Variants in DLC1 observed in about 807,000 individuals in gnomAD.
DLC1 encodes DLC1 Rho GTPase activating protein, also known as rho GTPase-activating protein 7.
DLC1 carries 54 observed loss-of-function variants against 140.3 expected under a neutral mutation model. That is an observed-to-expected ratio of 0.38 (90% CI 0.31 to 0.48). The LOEUF is 0.48. Among genes scored for constraint, DLC1 ranks in the 20% least tolerant of loss-of-function variants. The pLI is 0.96. For synonymous variants in DLC1, 986 were observed against 728.1 expected, an observed-to-expected ratio of 1.35 and a Z score of -5.70; for missense variants, 2,536 against 1,907.0, an observed-to-expected ratio of 1.33 and a Z score of -6.14.
rs73663618 is a variant in DLC1, at chr8:13,177,802, G to T, written c.1349-62145C>A. On this transcript the variant is annotated intron_variant, in intron 5 of 17. Transcript: ENST00000276297. Reference sequence around the variant, plus strand: ...ACCAGTGCTACACCTGGACAGAATGGAAAATGCTGAATCAGGTGGAACTAT... The same window carrying T: ...ACCAGTGCTACACCTGGACAGAATGTAAAATGCTGAATCAGGTGGAACTAT... Among the ~76,000 whole-genome samples, 178 of 152,278 alleles carry T rather than the reference G, an allele frequency of 1.2e-3. 1 individual carries two copies. The highest frequency in any genetic ancestry group is 3.8e-3 in the African/African-American group (159 of 41,564).
At chr8:13,304,612 G>A (rs749224685) in intron 5 of DLC1, 1 of 857,648 alleles carries the variant, frequency 1.2e-6, no homozygotes, top group Non-Finnish European at 1.4e-6. Flanking sequence ...TGTACTTCAA[G>A]TTAGATAATA....
intron 1 of DLC1, chr8:13,566,963 A>C: frequency 6.6e-7 from 1 of 1,517,118 alleles, no homozygotes; most frequent in Non-Finnish European, 8.8e-7. Context: ...TGGGCAAAGG[A>C]GATGAGGAGC....
At chr8:13,319,159 A>G (rs1490276201) in intron 4 of DLC1, among the ~76,000 whole-genome samples, 1 of 152,248 alleles carries the variant, frequency 6.6e-6, no homozygotes, top group Non-Finnish European at 1.5e-5. Context: ...TGTAGTTTAT[A>G]AAACTGTTTC....
At chr8:13,451,259 A>C (rs1163317960) in intron 2 of DLC1, among the ~76,000 whole-genome samples, 1 of 151,998 alleles carries the variant, frequency 6.6e-6, no homozygotes, top group Non-Finnish European at 1.5e-5. Flanking sequence ...TAGTAGGTGT[A>C]TATATTTATG....
At chr8:13,471,146 G>T (rs1199125899) in intron 2 of DLC1, among the ~76,000 whole-genome samples, 1 of 151,962 alleles carries the variant, frequency 6.6e-6, no homozygotes, top group African/African-American at 2.4e-5. Context: ...CAGGGGTTGG[G>T]GGGAGGGAGA....
rs528489540 is a variant in DLC1, at chr8:13,279,738, A to C, written c.1348+25531T>G. The stretch of plus-strand genomic sequence containing the variant: ...TCTAATACACAACCAGTTTTAAATT[A>C]TTCTTACATTTTGCTTTCTTTGTAG... On this transcript the variant is annotated intron_variant, in intron 5 of 17. Transcript: ENST00000276297. 2.0e-5 allele frequency among the ~76,000 whole-genome samples: 3 copies of C among 152,340 alleles called. No individual in the cohort carries two copies. In the East Asian group the frequency reaches 5.8e-4, roughly 29 times the overall value.
At chr8:13,130,924 T>C (rs1006041314) in intron 5 of DLC1, among the ~76,000 whole-genome samples, 1 of 152,198 alleles carries the variant, frequency 6.6e-6, no homozygotes, top group Non-Finnish European at 1.5e-5. Flanking sequence ...CTCTGAACAG[T>C]AGTACTAATG....
chr8:13,523,094 G>T (rs1185795740), intron 1 of DLC1, among the ~76,000 whole-genome samples: 1 of 152,190 alleles, frequency 6.6e-6, no homozygotes, highest in African/African-American at 2.4e-5. Flanking sequence ...GCCCTGGAAA[G>T]ATTTTGATCA....
At chr8:13,296,451 C>T (rs896956922) in intron 5 of DLC1, among the ~76,000 whole-genome samples, 1 of 152,194 alleles carries the variant, frequency 6.6e-6, no homozygotes, top group African/African-American at 2.4e-5. Context: ...TTCACAGCCA[C>T]CTCTTCATGC....
chr8:13,454,821 T>C (rs1799314520), intron 2 of DLC1, among the ~76,000 whole-genome samples: 1 of 152,180 alleles, frequency 6.6e-6, no homozygotes, highest in African/African-American at 2.4e-5. Flanking sequence ...CTCAAAGCAC[T>C]GGGATTAGGG....
chr8:13,211,156 C>T (rs78203841), intron 5 of DLC1, among the ~76,000 whole-genome samples: 2,653 of 152,228 alleles, frequency 0.017, 76 homozygotes, highest in African/African-American at 0.06. Flanking sequence ...GCCGTGGCAA[C>T]GACCTGGAAG....
chr8:13,378,294 A>G (rs1836090921), intron 4 of DLC1, among the ~76,000 whole-genome samples: 1 of 151,408 alleles, frequency 6.6e-6, no homozygotes, highest in Non-Finnish European at 1.5e-5. Context: ...TTCTCATCAG[A>G]GAAGAAAGTC....
chr8:13,469,153 A>G (rs923873052), intron 2 of DLC1, among the ~76,000 whole-genome samples: 1 of 152,120 alleles, frequency 6.6e-6, no homozygotes, highest in African/African-American at 2.4e-5. Context: ...TTTTGCTTGT[A>G]TCTTAATAAT....
At chr8:13,597,174 A>C (rs1368346180) in intron 1 of DLC1, among the ~76,000 whole-genome samples, 1 of 152,090 alleles carries the variant, frequency 6.6e-6, no homozygotes, top group Non-Finnish European at 1.5e-5. Flanking sequence ...TTATTGATAT[A>C]ATTCTAACAT....
chr8:13,448,152 G>T (rs907885584), intron 2 of DLC1, among the ~76,000 whole-genome samples: 1 of 152,124 alleles, frequency 6.6e-6, no homozygotes, highest in African/African-American at 2.4e-5. Flanking sequence ...TTATGGCTGG[G>T]AAAGCGTCTC....
At chr8:13,549,199 T>G (rs959495060) in intron 1 of DLC1, among the ~76,000 whole-genome samples, 1 of 152,024 alleles carries the variant, frequency 6.6e-6, no homozygotes, top group Non-Finnish European at 1.5e-5. Flanking sequence ...TCAAGTCAGT[T>G]AGGAGGCAGT....
At chr8:13,453,422 A>ATTTTTTTTTTTTTTTTTTTTT (rs1554523043) in intron 2 of DLC1, among the ~76,000 whole-genome samples, 1 of 32,570 alleles carries the variant, frequency 3.1e-5, no homozygotes, top group African/African-American at 1.6e-4. Flanking sequence ...ATATATATAT[A>ATTTTTTTTTTTTTTTTTTTTT]TGTGTATATA....
chr8:13,560,145 T>G (rs577369501), intron 1 of DLC1, among the ~76,000 whole-genome samples: 38 of 152,346 alleles, frequency 2.5e-4, no homozygotes, highest in South Asian at 6.2e-4. Context: ...CATATTCATT[T>G]TGAATATAGC....
chr8:13,325,543 T>C (rs1200953482), intron 4 of DLC1, among the ~76,000 whole-genome samples: 1 of 152,128 alleles, frequency 6.6e-6, no homozygotes, highest in African/African-American at 2.4e-5. Flanking sequence ...GAGTGGGTAG[T>C]TTCTGAAGCC....
Sources: gnomAD v4.1 joint callset for allele counts (sites outside exome capture counted in the v4.1 genomes callset) on GRCh38, gnomAD v4.1.1 for gene constraint, MANE v1.5 for transcripts, NCBI Gene and HGNC (gene_info 2026-07-23, HGNC 2026-07-21) for gene names.